The following PLCL1 variants were observed in gnomAD, a reference collection of about 807,000 sequenced individuals.
PLCL1 encodes the protein inactive phospholipase C-like protein 1.
Under a neutral mutation model 84.4 loss-of-function variants are expected in PLCL1, and 41 were observed. The ratio of observed to expected loss-of-function variants is 0.49; its 90% confidence interval spans 0.38 to 0.63. PLCL1 has a LOEUF of 0.63. Among genes scored for constraint, PLCL1 ranks in the 30% least tolerant of loss-of-function variants. The pLI, the probability that PLCL1 is intolerant of heterozygous loss-of-function variation, is 0.00. For missense variants in PLCL1, 1,206 were observed against 1,367.8 expected (o/e 0.88, Z 1.87); for synonymous variants, 490 against 488.3 (o/e 1.00, Z -0.05).
chr2:198,093,072 T>C (rs1693088667), intron 3 of PLCL1, among the ~76,000 whole-genome samples: 1 of 152,180 alleles, frequency 6.6e-6, no homozygotes, highest in Admixed American at 6.5e-5. Flanking sequence ...GCTAAAAAAC[T>C]TACAGAGTAA....
Position 197,804,984 on chromosome 2 carries a change from G to A in PLCL1, c.-116G>A. On this transcript the variant is annotated 5_prime_UTR_variant, in exon 1 of 6. It adds an upstream start codon to the 5' untranslated region. Coordinates refer to ENST00000428675, the MANE Select transcript of PLCL1 (RefSeq NM_006226.4). ...CCGCCGCCACTGCCGCCGCTGGGCG[G>A]TGAAACAAAGTCTGGCGGGGCCGCC... 7.9e-7 allele frequency: 1 copy of A among 1,273,038 alleles called. No homozygotes were observed. The highest frequency in any genetic ancestry group is 3.2e-5 in the Admixed American group (1 of 30,876). The allele number at this position is 1,273,038 out of a possible 1,614,324, so 78.9% of individuals were successfully genotyped here.
At chr2:197,953,757 GAAT>G (rs1689433193) in intron 1 of PLCL1, among the ~76,000 whole-genome samples, 1 of 151,748 alleles carries the variant, frequency 6.6e-6, no homozygotes, top group African/African-American at 2.4e-5. Flanking sequence ...CTACCAAACT[GAAT>G]TATATCTCAG....
At chr2:197,812,724 C>T (rs924961144) in intron 1 of PLCL1, among the ~76,000 whole-genome samples, 2 of 152,174 alleles carry the variant, frequency 1.3e-5, no homozygotes, top group Non-Finnish European at 2.9e-5. Flanking sequence ...TGTGATGCTA[C>T]TGAGTATTTA....
At chr2:197,822,909 G>T (rs114869661) in intron 1 of PLCL1, among the ~76,000 whole-genome samples, 1 of 152,104 alleles carries the variant, frequency 6.6e-6, no homozygotes, top group Non-Finnish European at 1.5e-5. Flanking sequence ...AAGACACTAT[G>T]CTCCTGAATT....
intron 1 of PLCL1, among the ~76,000 whole-genome samples, chr2:197,865,201 C>A (rs1192474831): frequency 6.6e-6 from 1 of 152,136 alleles, no homozygotes; most frequent in African/African-American, 2.4e-5. Flanking sequence ...GCTGGGAGAT[C>A]TCGCCTGGTC....
In PLCL1 at chr2:197,955,548, C is replaced by G. The variant is rs527793779; in HGVS notation, c.241-128210C>G. Among the ~76,000 whole-genome samples the G allele has an allele frequency of 2.7e-3, 415 of 151,002 alleles. 1 individual carries two copies. Among genetic ancestry groups the G allele is most frequent in the Non-Finnish European group, 5.1e-3 (343 of 67,796 alleles). ...ATCTTTCCTCCCCTTACTCCCCCAT[C>G]CCCCATCAGGCCCTGGTGTGTGTTG... On this transcript the variant is annotated intron_variant, in intron 1 of 5. Coordinates refer to ENST00000428675, the MANE Select transcript of PLCL1 (RefSeq NM_006226.4).
At chr2:197,971,967 G>T (rs1340661115) in intron 1 of PLCL1, among the ~76,000 whole-genome samples, 1 of 152,118 alleles carries the variant, frequency 6.6e-6, no homozygotes, top group African/African-American at 2.4e-5. Flanking sequence ...GAAGTATACT[G>T]CCAGTACATG....
chr2:197,895,989 T>C (rs531150804), intron 1 of PLCL1, among the ~76,000 whole-genome samples: 1 of 152,094 alleles, frequency 6.6e-6, no homozygotes, highest in African/African-American at 2.4e-5. Context: ...TATATTATTC[T>C]TTGTTTTAGG....
At chr2:198,035,638 TGGAATA>T (rs1418072687) in intron 1 of PLCL1, among the ~76,000 whole-genome samples, 1 of 152,208 alleles carries the variant, frequency 6.6e-6, no homozygotes, top group African/African-American at 2.4e-5. Flanking sequence ...TAGTAACAGA[TGGAATA>T]AGAATCCATG....
At chr2:198,032,161 C>G (rs1182662216) in intron 1 of PLCL1, among the ~76,000 whole-genome samples, 1 of 152,144 alleles carries the variant, frequency 6.6e-6, no homozygotes, top group African/African-American at 2.4e-5. Context: ...ATCTAATTTT[C>G]TAAGAATCAA....
At chr2:197,961,150 T>G (rs1689613212) in intron 1 of PLCL1, among the ~76,000 whole-genome samples, 1 of 152,054 alleles carries the variant, frequency 6.6e-6, no homozygotes, top group Non-Finnish European at 1.5e-5. Context: ...CCATAGTGTG[T>G]ATTTGAATAT....
intron 1 of PLCL1, among the ~76,000 whole-genome samples, chr2:197,857,569 A>C (rs900718259): frequency 1.3e-5 from 2 of 152,202 alleles, no homozygotes; most frequent in Non-Finnish European, 2.9e-5. Context: ...CAGTCTATTT[A>C]AATGTTAAAA....
At chr2:197,844,639 T>C (rs944742997) in intron 1 of PLCL1, among the ~76,000 whole-genome samples, 5 of 152,120 alleles carry the variant, frequency 3.3e-5, no homozygotes, top group Non-Finnish European at 7.4e-5. Flanking sequence ...TTCATGGAAA[T>C]TGTGGCTAAG....
In PLCL1 at chr2:198,088,867, G is replaced by T; in HGVS notation, c.2725G>T (p.Val909Leu). 1 of 1,603,264 alleles carries T rather than the reference G, an allele frequency of 6.2e-7. No individual in the cohort carries two copies. The change falls in exon 3 of 6, where the codon GTG becomes TTG. Residue 909 changes from valine (V) to leucine (L), a missense_variant. Transcript: ENST00000428675. ...DMRENMQNAI[V>L]SIKELCGLPP... ...GTTTTCTTCCTCACAGAATGCAATC[G>T]TGTCTATTAAGGAACTATGTGGACT...
At chr2:197,819,914 G>A (rs1040412021) in intron 1 of PLCL1, among the ~76,000 whole-genome samples, 7 of 151,818 alleles carry the variant, frequency 4.6e-5, no homozygotes, top group African/African-American at 1.7e-4. Flanking sequence ...GTGTGTGTGT[G>A]TGTGTGTATG....
intron 1 of PLCL1, among the ~76,000 whole-genome samples, chr2:198,042,999 A>G (rs1691700952): frequency 6.6e-6 from 1 of 152,168 alleles, no homozygotes; most frequent in African/African-American, 2.4e-5. Flanking sequence ...AATCTGGTAA[A>G]AATAGGACAC....
At chr2:198,134,472 C>A (rs186808234) in intron 5 of PLCL1, among the ~76,000 whole-genome samples, 8 of 152,168 alleles carry the variant, frequency 5.3e-5, no homozygotes, top group African/African-American at 1.9e-4. Context: ...GAAGAAGTTG[C>A]CCCTTTAGAA....
chr2:198,040,559 C>CGTTCTAGAG (rs1458874124), intron 1 of PLCL1, among the ~76,000 whole-genome samples: 2 of 152,084 alleles, frequency 1.3e-5, no homozygotes, highest in Non-Finnish European at 2.9e-5. Flanking sequence ...GTGGAATTTC[C>CGTTCTAGAG]GTTCTAGAGG....
chr2:198,083,797 G>A lies in PLCL1; in HGVS notation c.280G>A (p.Val94Met). ...AAAATGTGGTGGAAGAAAGAAAACC[G>A]TGTCTTTCAGCAGCATGCCATCGGA... is the stretch of plus-strand genomic sequence containing the variant. ...NQKCGGRKKTVSFSSMPSEKK... is the reference protein window; with the variant it reads ...NQKCGGRKKTMSFSSMPSEKK... Residue 94 changes from valine to methionine, a missense_variant, in exon 2 of 6, where the codon GTG becomes ATG. Transcript: ENST00000428675. 1.3e-6 allele frequency: 2 copies of A among 1,594,898 alleles called. No homozygotes were observed. Among genetic ancestry groups the A allele is most frequent in the South Asian group, 1.1e-5 (1 of 87,902 alleles).
Sources: gnomAD v4.1 joint callset for allele counts (sites outside exome capture counted in the v4.1 genomes callset) on GRCh38, gnomAD v4.1.1 for gene constraint, MANE v1.5 for transcripts, NCBI Gene and HGNC (gene_info 2026-07-23, HGNC 2026-07-21) for gene names.